Variants in RDX observed in about 807,000 individuals in gnomAD.
The protein encoded by RDX is radixin.
Under a neutral mutation model 83.7 loss-of-function variants are expected in RDX, and 32 were observed. That is an observed-to-expected ratio of 0.38 (90% CI 0.29 to 0.51). The LOEUF (loss-of-function observed/expected upper bound fraction) is 0.51, where lower values mean the gene tolerates loss of function less well. Ranked by LOEUF, RDX falls within the 20% of genes least tolerant of loss-of-function variation. The pLI is 0.87. For synonymous variants in RDX, 229 were observed against 222.7 expected, an observed-to-expected ratio of 1.03 and a Z score of -0.25; for missense variants, 600 against 689.9, an observed-to-expected ratio of 0.87 and a Z score of 1.46.
At chr11:110,254,979 C>T (rs1481390976) in intron 8 of RDX, among the ~76,000 whole-genome samples, 1 of 152,070 alleles carries the variant, frequency 6.6e-6, no homozygotes, top group Non-Finnish European at 1.5e-5. Context: ...TACATTCTAG[C>T]CACCAATGAA....
At chr11:110,292,427 G>A (rs538433025) in intron 1 of RDX, among the ~76,000 whole-genome samples, 6 of 152,232 alleles carry the variant, frequency 3.9e-5, no homozygotes, top group African/African-American at 9.6e-5. Context: ...CTGTAATAGT[G>A]CCACTGCACT....
At chr11:110,199,828 T>C in intron 14 of RDX, 2 of 647,982 alleles carry the variant, frequency 3.1e-6, no homozygotes, top group Admixed American at 2.3e-5. Flanking sequence ...ATTGTCAAAC[T>C]GTCTGCCTAA....
Position 110,236,205 on chromosome 11 carries a change from T to C in RDX, c.1252-14A>G, listed in dbSNP as rs762102346. On this transcript the variant is annotated splice_polypyrimidine_tract_variant and intron_variant, in intron 11 of 13. Coordinates refer to ENST00000645495, the MANE Select transcript of RDX (RefSeq NM_002906.4). Reference sequence around the variant, plus strand: ...AAGTTCTGCTGCCTAAAGTAAACAATATAATTCCAAAATTAAAATAACATA... The same window carrying C: ...AAGTTCTGCTGCCTAAAGTAAACAACATAATTCCAAAATTAAAATAACATA... 2.5e-6 allele frequency: 4 copies of C among 1,589,178 alleles called. No homozygotes were observed. Among genetic ancestry groups the C allele is most frequent in the Admixed American group, 1.7e-5 (1 of 59,976 alleles).
chr11:110,270,940 A>G (rs555032827), intron 3 of RDX, among the ~76,000 whole-genome samples: 2 of 152,314 alleles, frequency 1.3e-5, no homozygotes, highest in South Asian at 2.1e-4. Context: ...TTTTTTTCAA[A>G]TAAGATAGAC....
At chr11:110,187,317 TC>T (rs1225702604) in intron 15 of RDX, among the ~76,000 whole-genome samples, 1 of 152,138 alleles carries the variant, frequency 6.6e-6, no homozygotes, top group African/African-American at 2.4e-5. Context: ...GAGCACCTGC[TC>T]CCATGGATTA....
chr11:110,258,864 A>G (rs949154841), intron 5 of RDX, among the ~76,000 whole-genome samples: 2 of 120,684 alleles, frequency 1.7e-5, no homozygotes, highest in East Asian at 2.8e-4. Context: ...GAGCAAATAC[A>G]TTCTTTTTTT....
intron 15 of RDX, among the ~76,000 whole-genome samples, chr11:110,198,723 T>C (rs1353704996): frequency 6.6e-6 from 1 of 152,100 alleles, no homozygotes; most frequent in African/African-American, 2.4e-5. Flanking sequence ...AAAATTTGTC[T>C]TCCATGAAAC....
intron 14 of RDX, among the ~76,000 whole-genome samples, chr11:110,220,714 T>C (rs1231920759): frequency 2.6e-5 from 4 of 151,976 alleles, no homozygotes; most frequent in Non-Finnish European, 5.9e-5. Flanking sequence ...GCCAGGCTGG[T>C]CTCGAACTCC....
chr11:110,191,135 C>CA (rs1343505733), intron 15 of RDX, among the ~76,000 whole-genome samples: 1 of 152,000 alleles, frequency 6.6e-6, no homozygotes, highest in Non-Finnish European at 1.5e-5. Context: ...AAAGACACAA[C>CA]AAAAAAAGAA....
intron 14 of RDX, among the ~76,000 whole-genome samples, chr11:110,204,758 G>T (rs748078293): frequency 6.6e-6 from 1 of 152,012 alleles, no homozygotes; most frequent in Non-Finnish European, 1.5e-5. Flanking sequence ...CTCGTGATCT[G>T]CCTGCCTTGG....
At chr11:110,232,904 T>A (rs1416539013) in intron 13 of RDX, among the ~76,000 whole-genome samples, 2 of 152,244 alleles carry the variant, frequency 1.3e-5, no homozygotes, top group Admixed American at 1.3e-4. Context: ...TGTGAGCCAC[T>A]GCGCCTGGCC....
chr11:110,238,736 C>G (rs1565308601), intron 10 of RDX, among the ~76,000 whole-genome samples: 3 of 151,708 alleles, frequency 2.0e-5, no homozygotes, highest in Admixed American at 6.6e-5. Flanking sequence ...CCAGACTGGC[C>G]AACCTGGTGA....
intron 10 of RDX, among the ~76,000 whole-genome samples, chr11:110,240,805 G>T (rs896982306): frequency 6.8e-6 from 1 of 148,110 alleles, no homozygotes. Flanking sequence ...TGTACTCCCA[G>T]CACTTTTGGG....
intron 1 of RDX, among the ~76,000 whole-genome samples, chr11:110,294,749 CG>C (rs1189754500): frequency 6.6e-6 from 1 of 151,940 alleles, no homozygotes; most frequent in African/African-American, 2.4e-5. Flanking sequence ...ACAGACTCAA[CG>C]TATTTTCCCT....
chr11:110,177,704 G>C (rs917551244), intron 15 of RDX, among the ~76,000 whole-genome samples: 1 of 151,938 alleles, frequency 6.6e-6, no homozygotes, highest in African/African-American at 2.4e-5. Flanking sequence ...GGCTGGTCTC[G>C]AACTCCTGAC....
At chr11:110,273,550 G>A (rs554180881) in intron 2 of RDX, among the ~76,000 whole-genome samples, 38 of 152,310 alleles carry the variant, frequency 2.5e-4, no homozygotes, top group African/African-American at 8.7e-4. Flanking sequence ...AAGTAGCTAG[G>A]AGCACAGGCG....
At chr11:110,253,160 A>G (rs891554432) in intron 9 of RDX, among the ~76,000 whole-genome samples, 1 of 152,222 alleles carries the variant, frequency 6.6e-6, no homozygotes, top group Non-Finnish European at 1.5e-5. Context: ...TATCTAGCAG[A>G]TGGCTTCCTT....
intron 1 of RDX, among the ~76,000 whole-genome samples, chr11:110,295,279 T>A (rs1861399497): frequency 1.5e-5 from 2 of 135,066 alleles, no homozygotes; most frequent in Non-Finnish European, 3.1e-5. Flanking sequence ...CTTAGCTCCA[T>A]CAGTCATATA....
At chr11:110,285,734 A>AG (rs1860955622) in intron 1 of RDX, among the ~76,000 whole-genome samples, 2 of 149,578 alleles carry the variant, frequency 1.3e-5, no homozygotes, top group South Asian at 4.2e-4. Context: ...AAAAAAAAAA[A>AG]GAGACATTTC....
Sources: allele counts gnomAD v4.1 joint callset (sites outside exome capture counted in the v4.1 genomes callset), GRCh38; gene constraint gnomAD v4.1.1; transcripts MANE v1.5; gene names NCBI Gene and HGNC (gene_info 2026-07-23, HGNC 2026-07-21).